SH3RF3: variants seen among roughly 807,000 people sequenced by gnomAD.
The protein encoded by SH3RF3 is E3 ubiquitin-protein ligase SH3RF3.
A neutral mutation model predicts 66.3 loss-of-function variants in SH3RF3; 29 were observed. The ratio of observed to expected loss-of-function variants is 0.44; its 90% CI spans 0.33 to 0.60. The LOEUF is 0.60. SH3RF3 is among the 20% of genes least tolerant of loss of function. The pLI, the probability that SH3RF3 is intolerant of heterozygous loss-of-function variation, is 0.04. For missense variants in SH3RF3, 1,194 were observed against 1,190.9 expected (o/e 1.00, Z -0.04); for synonymous variants, 583 against 532.0 (o/e 1.10, Z -1.32).
chr2:109,198,748 T>G (rs1574498651), intron 1 of SH3RF3, among the ~76,000 whole-genome samples: 1 of 152,130 alleles, frequency 6.6e-6, no homozygotes, highest in Non-Finnish European at 1.5e-5. Flanking sequence ...CCTAATCACC[T>G]TCCCAAAGGC....
rs147477326 is a variant in SH3RF3 at position 109,260,111 on chromosome 2, TC to T, written c.574-87562del. ...TTGAGAGTAGAGAGGCTCTCTGGGA[TC>T]TTTTCATTTTCTAAATTCTCAGTGT... is the stretch of plus-strand genomic sequence containing the variant. On this transcript the variant is annotated intron_variant, in intron 1 of 9. Transcript: ENST00000309415. Among the ~76,000 whole-genome samples the T allele has an allele frequency of 8.5e-3, 1,298 of 152,300 alleles. 16 individuals are homozygous for T. The highest frequency in any genetic ancestry group is 0.03 in the African/African-American group (1,243 of 41,568).
chr2:109,201,369 C>A (rs1451267320), intron 1 of SH3RF3, among the ~76,000 whole-genome samples: 1 of 152,236 alleles, frequency 6.6e-6, no homozygotes, highest in Non-Finnish European at 1.5e-5. Flanking sequence ...GGCTTTGGGC[C>A]TTGGCCCCTT....
chr2:109,407,840 C>G (rs1250852375), intron 4 of SH3RF3, among the ~76,000 whole-genome samples: 1 of 152,202 alleles, frequency 6.6e-6, no homozygotes, highest in Non-Finnish European at 1.5e-5. Flanking sequence ...CAATCCTGGC[C>G]TTTAAGTGGG....
At chr2:109,148,222 G>A (rs1052250982) in intron 1 of SH3RF3, among the ~76,000 whole-genome samples, 3 of 152,288 alleles carry the variant, frequency 2.0e-5, no homozygotes, top group African/African-American at 7.2e-5. Context: ...AGGCAAATTG[G>A]GTACCTTCTG....
chr2:109,396,082 G>C (rs1461492863), intron 3 of SH3RF3, among the ~76,000 whole-genome samples: 2 of 152,188 alleles, frequency 1.3e-5, no homozygotes, highest in Non-Finnish European at 2.9e-5. Context: ...TGAGTGAGAC[G>C]AATGGAGGAC....
At chr2:109,437,814 G>C (rs1677450374) in intron 7 of SH3RF3, among the ~76,000 whole-genome samples, 1 of 152,216 alleles carries the variant, frequency 6.6e-6, no homozygotes, top group East Asian at 1.9e-4. Context: ...GCACATCTTG[G>C]TTGGTGGCTT....
At chr2:109,398,422 A>G (rs990696768) in intron 3 of SH3RF3, among the ~76,000 whole-genome samples, 168 bp from the exon 4 acceptor site, 1 of 152,292 alleles carries the variant, frequency 6.6e-6, no homozygotes, top group Middle Eastern at 3.4e-3. Flanking sequence ...AACCTTTTCA[A>G]TAAAACCTAT....
intron 1 of SH3RF3, among the ~76,000 whole-genome samples, chr2:109,154,888 T>G (rs1335089479): frequency 6.6e-6 from 1 of 152,210 alleles, no homozygotes; most frequent in Non-Finnish European, 1.5e-5. Flanking sequence ...CAGAGCGAGC[T>G]CCAGCTTCCT....
At chr2:109,236,817 G>A (rs897389127) in intron 1 of SH3RF3, among the ~76,000 whole-genome samples, 2 of 152,180 alleles carry the variant, frequency 1.3e-5, no homozygotes, top group Non-Finnish European at 2.9e-5. Flanking sequence ...CATTTAAGAG[G>A]ACTCTCCTCA....
intron 5 of SH3RF3, among the ~76,000 whole-genome samples, chr2:109,428,609 T>G (rs1440972362): frequency 1.3e-5 from 2 of 152,242 alleles, no homozygotes; most frequent in Admixed American, 6.5e-5. Flanking sequence ...AGGCGCTTTT[T>G]CTCATTGGCA....
chr2:109,166,588 GA>G (rs1450271806), intron 1 of SH3RF3, among the ~76,000 whole-genome samples: 2 of 152,076 alleles, frequency 1.3e-5, no homozygotes, highest in Non-Finnish European at 2.9e-5. Context: ...AGATTATTCA[GA>G]AAAAATTTAC....
chr2:109,371,721 C>T (rs893533359), intron 3 of SH3RF3, 40 bp downstream of exon 3: 4 of 1,576,712 alleles, frequency 2.5e-6, no homozygotes, highest in African/African-American at 2.7e-5. Flanking sequence ...CTCCTTCTTG[C>T]CCACCCTTGT....
intron 1 of SH3RF3, among the ~76,000 whole-genome samples, chr2:109,279,628 C>T (rs1680837128): frequency 1.3e-5 from 2 of 152,202 alleles, no homozygotes; most frequent in Non-Finnish European, 2.9e-5. Context: ...CACCCCTTCA[C>T]CTTTTCCCAG....
intron 1 of SH3RF3, among the ~76,000 whole-genome samples, chr2:109,267,790 G>C (rs369560886): frequency 3.9e-5 from 6 of 152,156 alleles, no homozygotes; most frequent in Admixed American, 2.0e-4. Flanking sequence ...GAGCGAGGCC[G>C]AGTCAAGCCC....
intron 1 of SH3RF3, among the ~76,000 whole-genome samples, chr2:109,281,451 C>T (rs777260712): frequency 2.6e-5 from 4 of 152,180 alleles, no homozygotes; most frequent in Non-Finnish European, 4.4e-5. Flanking sequence ...ATCCAGCACA[C>T]GCACAGCACG....
intron 1 of SH3RF3, among the ~76,000 whole-genome samples, chr2:109,343,307 C>T (rs1682599618): frequency 6.6e-6 from 1 of 152,172 alleles, no homozygotes. Context: ...TGATGAGATC[C>T]AGTTTCTGGC....
chr2:109,268,401 T>C (rs1680548554), intron 1 of SH3RF3, among the ~76,000 whole-genome samples: 1 of 152,018 alleles, frequency 6.6e-6, no homozygotes, highest in Non-Finnish European at 1.5e-5. Context: ...GCAGCAGGGC[T>C]GAGAGCTGGG....
At chr2:109,456,663 T>C (rs927432358) in intron 8 of SH3RF3, among the ~76,000 whole-genome samples, 1 of 152,264 alleles carries the variant, frequency 6.6e-6, no homozygotes, top group East Asian at 1.9e-4. Context: ...GGCCTCTGCA[T>C]TGGGATGAGA....
In SH3RF3 at chr2:109,231,664, T is replaced by A. The variant is rs375094957; in HGVS notation, c.573+101551T>A. ...GTGGCTGAGGACTTCATACTAACAT[T>A]AGCCTAAGTAAAAATATAATTAGTA... On this transcript the variant is annotated intron_variant, in intron 1 of 9. Coordinates refer to ENST00000309415, the MANE Select transcript of SH3RF3 (RefSeq NM_001099289.3). Among the ~76,000 whole-genome samples, 4 of 152,326 alleles carry A rather than the reference T, an allele frequency of 2.6e-5. No homozygotes were observed. In the South Asian group the frequency reaches 6.2e-4, roughly 24 times the overall value.
Sources: allele counts gnomAD v4.1 joint callset (sites outside exome capture counted in the v4.1 genomes callset), GRCh38; gene constraint gnomAD v4.1.1; transcripts MANE v1.5; gene names NCBI Gene and HGNC (gene_info 2026-07-23, HGNC 2026-07-21).